The following MSRA variants were observed in gnomAD, a reference collection of about 807,000 sequenced individuals.
The protein encoded by MSRA is mitochondrial peptide methionine sulfoxide reductase.
Under a neutral mutation model 31.3 loss-of-function variants are expected in MSRA, and 54 were observed. That is an observed-to-expected ratio of 1.73 (90% confidence interval 1.39 to 2.17). The LOEUF is 2.17. Ranked by LOEUF, MSRA falls within the 30% of genes most tolerant of loss-of-function variation. The probability of loss-of-function intolerance (pLI) is 0.00; values close to 1 mark genes in which losing one functional copy is unlikely to be tolerated. For missense variants in MSRA, 507 were observed against 300.9 expected (o/e 1.69, Z -5.07); for synonymous variants, 169 against 116.5 (o/e 1.45, Z -2.90).
chr8:10,131,664 C>G (rs936366819), intron 1 of MSRA, among the ~76,000 whole-genome samples: 3 of 152,194 alleles, frequency 2.0e-5, no homozygotes, highest in Admixed American at 6.5e-5. Flanking sequence ...CCCTGGGAAG[C>G]TCTCCATACC....
chr8:10,115,081 T>C (rs1245835732), intron 1 of MSRA, among the ~76,000 whole-genome samples: 1 of 152,188 alleles, frequency 6.6e-6, no homozygotes, highest in East Asian at 1.9e-4. Context: ...CAGGTTAACA[T>C]GAACATGTAT....
intron 1 of MSRA, among the ~76,000 whole-genome samples, chr8:10,163,814 G>T (rs117383343): frequency 1.3e-5 from 2 of 152,338 alleles, no homozygotes; most frequent in African/African-American, 4.8e-5. Flanking sequence ...GATGGACACC[G>T]CATGCTGGTG....
chr8:10,205,542 A>C (rs962836015), intron 1 of MSRA, among the ~76,000 whole-genome samples: 1 of 152,128 alleles, frequency 6.6e-6, no homozygotes, highest in African/African-American at 2.4e-5. Flanking sequence ...TGGATTGTGA[A>C]CATGTGGGTT....
intron 1 of MSRA, among the ~76,000 whole-genome samples, chr8:10,195,767 C>G (rs1412327676): frequency 1.3e-5 from 2 of 152,216 alleles, no homozygotes; most frequent in East Asian, 1.9e-4. Context: ...AAAAGAGAAT[C>G]AAGACAAGTT....
chr8:10,278,996 TG>T (rs1799473631), intron 3 of MSRA, among the ~76,000 whole-genome samples: 1 of 152,120 alleles, frequency 6.6e-6, no homozygotes, highest in African/African-American at 2.4e-5. Flanking sequence ...ACAGTAGAAT[TG>T]AAAAAAAATT....
intron 2 of MSRA, among the ~76,000 whole-genome samples, chr8:10,224,488 A>G (rs984556995): frequency 1.2e-5 from 1 of 82,828 alleles, no homozygotes; most frequent in African/African-American, 2.8e-5. Context: ...CTCAACTATT[A>G]CCAGAAGAAA....
intron 1 of MSRA, among the ~76,000 whole-genome samples, chr8:10,113,518 G>T (rs1286222953): frequency 1.3e-5 from 2 of 151,320 alleles, no homozygotes; most frequent in African/African-American, 2.4e-5. Flanking sequence ...GGGATGTTGG[G>T]GAAGTTTTCT....
chr8:10,131,720 T>C (rs1452168793), intron 1 of MSRA, among the ~76,000 whole-genome samples: 1 of 152,180 alleles, frequency 6.6e-6, no homozygotes, highest in Non-Finnish European at 1.5e-5. Flanking sequence ...TCATTCCCTA[T>C]GGCCAGTGTC....
intron 5 of MSRA, among the ~76,000 whole-genome samples, chr8:10,389,513 A>T (rs1806600157): frequency 6.6e-6 from 1 of 152,218 alleles, no homozygotes; most frequent in South Asian, 2.1e-4. Flanking sequence ...CTACTTCAGT[A>T]ATCAAATTAT....
chr8:10,156,010 C>T (rs1315311575), intron 1 of MSRA, among the ~76,000 whole-genome samples: 1 of 152,084 alleles, frequency 6.6e-6, no homozygotes, highest in Non-Finnish European at 1.5e-5. Flanking sequence ...ATGAAGTGGT[C>T]AGGTTTGGCG....
chr8:10,056,110 C>T (rs1020524196), intron 1 of MSRA, among the ~76,000 whole-genome samples: 2 of 147,216 alleles, frequency 1.4e-5, no homozygotes, highest in Non-Finnish European at 3.0e-5. Flanking sequence ...TGTTTAAAGG[C>T]GATACTTTTC....
At chr8:10,061,388 C>A (rs998269769) in intron 1 of MSRA, among the ~76,000 whole-genome samples, 1 of 152,166 alleles carries the variant, frequency 6.6e-6, no homozygotes, top group African/African-American at 2.4e-5. Flanking sequence ...TCTAATTCCC[C>A]TTCTCCCGGA....
intron 1 of MSRA, among the ~76,000 whole-genome samples, chr8:10,157,116 A>G (rs1804223611): frequency 6.6e-6 from 1 of 152,004 alleles, no homozygotes; most frequent in African/African-American, 2.4e-5. Context: ...ACTCTAATTT[A>G]CCTATATGTT....
chr8:10,252,894 A>C (rs1027818528), intron 3 of MSRA, among the ~76,000 whole-genome samples: 2 of 152,192 alleles, frequency 1.3e-5, no homozygotes, highest in African/African-American at 2.4e-5. Context: ...GAGTGACTCT[A>C]TGGGGGTTCT....
At chr8:10,061,739 A>G (rs890368998) in intron 1 of MSRA, among the ~76,000 whole-genome samples, 6 of 152,210 alleles carry the variant, frequency 3.9e-5, no homozygotes, top group South Asian at 2.1e-4. Context: ...GAGCTGCCCC[A>G]TTGTCCATGG....
At chr8:10,192,681 A>G (rs979261839) in intron 1 of MSRA, among the ~76,000 whole-genome samples, 1 of 152,228 alleles carries the variant, frequency 6.6e-6, no homozygotes, top group Non-Finnish European at 1.5e-5. Context: ...CTAGCTTGCA[A>G]CCAGCTTGAC....
Position 10,272,584 on chromosome 8 carries a change from C to A in MSRA, c.331+27361C>A, listed in dbSNP as rs1035837047. 2.6e-5 allele frequency among the ~76,000 whole-genome samples: 4 copies of A among 152,356 alleles called. No individual in the cohort carries two copies. In the South Asian group the frequency reaches 6.2e-4, roughly 24 times the overall value. On this transcript the variant is annotated intron_variant, in intron 3 of 5. Transcript: ENST00000317173. ...CAAATGCTAATGTCATCCAGAAACA[C>A]CCTCACAGGGACACCCAGAATAATA...
intron 2 of MSRA, among the ~76,000 whole-genome samples, chr8:10,226,731 GTTTTTTGT>G (rs1811035143): frequency 6.7e-6 from 1 of 149,996 alleles, no homozygotes; most frequent in Non-Finnish European, 1.5e-5. Flanking sequence ...TTGTTTGTTT[GTTTTTTGT>G]TTTTGTTAAG....
chr8:10,071,806 T>G (rs947207484), intron 1 of MSRA, among the ~76,000 whole-genome samples: 1 of 152,218 alleles, frequency 6.6e-6, no homozygotes, highest in Admixed American at 6.5e-5. Context: ...ACCATCATTA[T>G]GCCAACCATC....
Sources: gnomAD v4.1 joint callset for allele counts (sites outside exome capture counted in the v4.1 genomes callset) on GRCh38, gnomAD v4.1.1 for gene constraint, MANE v1.5 for transcripts, NCBI Gene and HGNC (gene_info 2026-07-23, HGNC 2026-07-21) for gene names.